KCNQ5: variants seen among roughly 807,000 people sequenced by gnomAD.
KCNQ5 encodes the protein potassium voltage-gated channel subfamily Q member 5.
KCNQ5 carries 30 observed loss-of-function variants against 98.2 expected under a neutral mutation model. That is an observed-to-expected ratio of 0.31 (90% CI 0.23 to 0.41). The LOEUF (loss-of-function observed/expected upper bound fraction) is 0.41. Ranked by LOEUF, KCNQ5 falls within the 10% of genes least tolerant of loss-of-function variation. The probability of loss-of-function intolerance (pLI) is 1.00; values close to 1 mark genes in which losing one functional copy is unlikely to be tolerated. For synonymous variants in KCNQ5, 458 were observed against 449.4 expected, an observed-to-expected ratio of 1.02 and a Z score of -0.24; for missense variants, 835 against 1,182.5, an observed-to-expected ratio of 0.71 and a Z score of 4.31.
intron 2 of KCNQ5, among the ~76,000 whole-genome samples, chr6:73,030,839 C>T (rs921323594): frequency 6.6e-6 from 1 of 152,174 alleles, no homozygotes; most frequent in African/African-American, 2.4e-5. Flanking sequence ...CAAAGGTTTC[C>T]ATTTCTTCCG....
At chr6:73,068,289 T>C (rs1773155677) in intron 3 of KCNQ5, among the ~76,000 whole-genome samples, 2 of 152,088 alleles carry the variant, frequency 1.3e-5, no homozygotes, top group Non-Finnish European at 2.9e-5. Flanking sequence ...AGAGGGAAAC[T>C]CCGTCTCAAA....
intron 10 of KCNQ5, chr6:73,135,539 A>G (rs1213358170): frequency 4.6e-5 from 7 of 151,618 alleles, no homozygotes; most frequent in Non-Finnish European, 1.0e-4. Context: ...CCCCTACTCT[A>G]GGGGCCCTTG....
At chr6:72,688,098 A>G (rs1226305633) in intron 1 of KCNQ5, among the ~76,000 whole-genome samples, 1 of 152,176 alleles carries the variant, frequency 6.6e-6, no homozygotes, top group Non-Finnish European at 1.5e-5. Context: ...CGGCCTCCCA[A>G]TACTGATCAC....
intron 1 of KCNQ5, among the ~76,000 whole-genome samples, chr6:72,670,682 C>G (rs1767057987): frequency 6.6e-6 from 1 of 152,314 alleles, no homozygotes; most frequent in South Asian, 2.1e-4. Context: ...TGGCTTTCTT[C>G]CTGGCTGTAG....
intron 2 of KCNQ5, among the ~76,000 whole-genome samples, chr6:73,033,801 A>T (rs1196210642): frequency 1.3e-5 from 2 of 150,108 alleles, no homozygotes; most frequent in African/African-American, 4.9e-5. Context: ...ACCTCTGTGC[A>T]GCAATGATTC....
chr6:72,628,255 A>G (rs2098918988), intron 1 of KCNQ5, among the ~76,000 whole-genome samples: 1 of 152,172 alleles, frequency 6.6e-6, no homozygotes, highest in South Asian at 2.1e-4. Context: ...TAAGATACTG[A>G]CGATTCATTT....
chr6:73,098,024 A>C (rs1774589870), intron 5 of KCNQ5, among the ~76,000 whole-genome samples: 1 of 152,184 alleles, frequency 6.6e-6, no homozygotes. Flanking sequence ...GACACTCAAC[A>C]TAACACAGAG....
chr6:73,042,138 G>T, intron 3 of KCNQ5, 76 bp downstream of exon 3: 3 of 1,536,592 alleles, frequency 2.0e-6, no homozygotes, highest in Non-Finnish European at 2.7e-6. Flanking sequence ...TGCAATATTT[G>T]ATTAATATTA....
At chr6:73,060,559 A>G (rs1772732861) in intron 3 of KCNQ5, among the ~76,000 whole-genome samples, 2 of 152,190 alleles carry the variant, frequency 1.3e-5, no homozygotes, top group Admixed American at 6.5e-5. Context: ...TATTGATAGA[A>G]TACATAAAAT....
chr6:72,805,618 G>T lies in KCNQ5; in HGVS notation c.398+183031G>T, dbSNP rs561246734. Among the ~76,000 whole-genome samples the T allele has an allele frequency of 9.0e-4, 137 of 152,152 alleles. 1 individual carries two copies. Among genetic ancestry groups the T allele is most frequent in the Admixed American group, 1.8e-3 (27 of 15,274 alleles). The stretch of plus-strand genomic sequence containing the variant: ...CAGCTAATGTGATTCCTCCAGTTTT[G>T]TTCTTTTTGCCCAGAATAACTTCAG... On this transcript the variant is annotated intron_variant, in intron 1 of 13. Transcript: ENST00000370398.
At chr6:72,925,207 T>A (rs1780580201) in intron 1 of KCNQ5, among the ~76,000 whole-genome samples, 1 of 152,144 alleles carries the variant, frequency 6.6e-6, no homozygotes, top group South Asian at 2.1e-4. Flanking sequence ...AATGTTCTCA[T>A]GTAGCATCCT....
In KCNQ5 at chr6:72,622,075, G is replaced by GC; in HGVS notation, c.-114dup. On this transcript the variant is annotated 5_prime_UTR_variant, in exon 1 of 14. Coordinates refer to ENST00000370398, the MANE Select transcript of KCNQ5 (RefSeq NM_019842.4). The surrounding 1 kb of genome is among the most constrained non-coding windows in gnomAD (Gnocchi z 6.0). ...CCCGCCCCCGGCTCAGAGGTCTCTG[G>GC]CTGGCGGGCGCCCCGTCGGCCGCCG... is the stretch of plus-strand genomic sequence containing the variant. The GC allele has an allele frequency of 1.1e-6, 1 of 911,492 alleles. No individual in the cohort carries two copies. The highest frequency in any genetic ancestry group is 1.4e-6 in the Non-Finnish European group (1 of 703,536). The allele number at this position is 911,492 out of a possible 1,614,324, so 56.5% of individuals were successfully genotyped here. A position where few individuals can be genotyped will look rare whatever the true frequency, so the allele number is the denominator to read the frequency against.
intron 3 of KCNQ5, among the ~76,000 whole-genome samples, chr6:73,068,518 C>A (rs1268813637): frequency 6.6e-6 from 1 of 152,130 alleles, no homozygotes; most frequent in African/African-American, 2.4e-5. Flanking sequence ...AGATGTTTCA[C>A]AGTTAACTTA....
chr6:73,092,652 G>T (rs1774302091), intron 5 of KCNQ5, among the ~76,000 whole-genome samples: 1 of 152,120 alleles, frequency 6.6e-6, no homozygotes, highest in Admixed American at 6.5e-5. Context: ...TGCTTTTTCT[G>T]CGTCTATTGA....
rs528580264 is a variant in KCNQ5 at position 72,682,679 on chromosome 6, G to C, written c.398+60092G>C. Among the ~76,000 whole-genome samples the C allele has an allele frequency of 1.8e-3, 270 of 152,230 alleles. 2 individuals carry two copies. The highest frequency in any genetic ancestry group is 6.3e-3 in the African/African-American group (260 of 41,542). On this transcript the variant is annotated intron_variant, in intron 1 of 13. Transcript: ENST00000370398. ...TCTCTATGAAGAATCATGAAAGTAA[G>C]CTCTTTAAATTGATTCATAATGAAA...
intron 1 of KCNQ5, among the ~76,000 whole-genome samples, chr6:72,902,501 A>G (rs567930429): frequency 6.6e-6 from 1 of 152,194 alleles, no homozygotes; most frequent in South Asian, 2.1e-4. Context: ...CTTTTATTAA[A>G]TTGAAGTATG....
At chr6:72,724,656 C>G (rs544008243) in intron 1 of KCNQ5, among the ~76,000 whole-genome samples, 23 of 152,310 alleles carry the variant, frequency 1.5e-4, no homozygotes, top group African/African-American at 5.3e-4. Flanking sequence ...AACATGTGCT[C>G]TCTTGAGAGA....
At chr6:72,958,087 T>C (rs1767172531) in intron 1 of KCNQ5, among the ~76,000 whole-genome samples, 1 of 152,200 alleles carries the variant, frequency 6.6e-6, no homozygotes, top group Admixed American at 6.5e-5. Context: ...TCTTTTTTTT[T>C]TCTTTTTATG....
intron 1 of KCNQ5, among the ~76,000 whole-genome samples, chr6:72,998,306 C>T (rs749606666): frequency 2.6e-5 from 4 of 152,184 alleles, no homozygotes; most frequent in Non-Finnish European, 5.9e-5. Flanking sequence ...CAAAGCAATA[C>T]TTAAAGTTTA....
Sources: allele counts gnomAD v4.1 joint callset (sites outside exome capture counted in the v4.1 genomes callset), GRCh38; gene constraint gnomAD v4.1.1; non-coding constraint Gnocchi (gnomAD v3.1); transcripts MANE v1.5; gene names NCBI Gene and HGNC (gene_info 2026-07-23, HGNC 2026-07-21).